ZNF487: variants seen among roughly 807,000 people sequenced by gnomAD.
ZNF487 encodes KRAB domain only 1.
In ZNF487, 4 loss-of-function variants were observed where a neutral mutation model predicts 3.0. The observed-to-expected ratio is 1.35, with a 90% CI of 0.66 to 3.08. The LOEUF (loss-of-function observed/expected upper bound fraction) is 3.08. Ranked by LOEUF, ZNF487 falls within the 30% of genes most tolerant of loss-of-function variation. The pLI, the probability that ZNF487 is intolerant of heterozygous loss-of-function variation, is 0.01. For missense variants in ZNF487, 146 were observed against 98.7 expected (o/e 1.48, Z -2.03); for synonymous variants, 55 against 34.6 (o/e 1.59, Z -2.06).
At chr10:43,457,011 C>T (rs547491636) in intron 1 of ZNF487, among the ~76,000 whole-genome samples, 1 of 152,290 alleles carries the variant, frequency 6.6e-6, no homozygotes, top group South Asian at 2.1e-4. Flanking sequence ...GGTGCTTCCA[C>T]CATGCTTACT....
At chr10:43,462,945 T>A (rs930768918) in intron 1 of ZNF487, among the ~76,000 whole-genome samples, 15 of 151,898 alleles carry the variant, frequency 9.9e-5, no homozygotes, top group African/African-American at 1.4e-4. Context: ...AATTAAAAAA[T>A]TTTTTTTGGC....
At chr10:43,437,100 C>T (rs186650883), upstream of ZNF487, 1,814 of 302,722 alleles carry the variant, frequency 6.0e-3, 21 homozygotes, top group East Asian at 0.029. Context: ...CGCCCCTCGG[C>T]GGCCCCGCCC....
At chr10:43,464,342 C>T (rs6421744) in intron 1 of ZNF487, among the ~76,000 whole-genome samples, 99,711 of 151,514 alleles carry the variant, frequency 0.66, 34,358 homozygotes, top group Non-Finnish European at 0.76. Flanking sequence ...GCCACCATGC[C>T]CGGCTAATTG....
At chr10:43,516,042 A>C in the ZNF487 span, among the ~76,000 whole-genome samples, 1 of 152,074 alleles carries the variant, frequency 6.6e-6, no homozygotes, top group Non-Finnish European at 1.5e-5. Flanking sequence ...GGCCTCTCAA[A>C]GTGCTGGGAT....
In ZNF487 at chr10:43,475,862, A is replaced by G. The variant is rs757891554; in HGVS notation, c.34+15A>G. 1.2e-5 allele frequency: 9 copies of G among 752,842 alleles called. No homozygotes were observed. In the Admixed American group the frequency reaches 1.7e-4, roughly 15 times the overall value. The allele number at this position is 752,842 out of a possible 1,614,324, so 46.6% of individuals were successfully genotyped here. A position where few individuals can be genotyped will look rare whatever the true frequency, so the allele number is the denominator to read the frequency against. On this transcript the variant is annotated intron_variant, in intron 2 of 3. Transcript: ENST00000437590. Reference sequence around the variant, plus strand: ...CCTCTCAGTGGGTAAGGATTATGTAATTTGCAGCTTCAAATAACATTTATT... The same window carrying G: ...CCTCTCAGTGGGTAAGGATTATGTAGTTTGCAGCTTCAAATAACATTTATT...
chr10:43,448,175 G>C (rs1393806952), intron 1 of ZNF487, among the ~76,000 whole-genome samples: 2 of 151,514 alleles, frequency 1.3e-5, no homozygotes, highest in Non-Finnish European at 2.9e-5. Flanking sequence ...ATTTTTTGTA[G>C]AGACGGGGTT....
intron 1 of ZNF487, chr10:43,453,166 G>C (rs1053883132): frequency 6.6e-6 from 1 of 152,088 alleles, no homozygotes; most frequent in African/African-American, 2.4e-5. Flanking sequence ...GAGACTGGGA[G>C]ACAGAGGCCT....
intron 1 of ZNF487, among the ~76,000 whole-genome samples, chr10:43,472,045 T>A (rs1228211359): frequency 6.6e-6 from 1 of 152,200 alleles, no homozygotes; most frequent in Non-Finnish European, 1.5e-5. Flanking sequence ...ACTGGGGACC[T>A]GCCCCTATTT....
chr10:43,440,873 T>G (rs528447022), intron 1 of ZNF487, among the ~76,000 whole-genome samples: 6 of 151,866 alleles, frequency 4.0e-5, no homozygotes, highest in African/African-American at 1.4e-4. Context: ...GGACTTTTTT[T>G]TTGTTGTTTG....
chr10:43,455,612 C>T (rs975992397), intron 1 of ZNF487, among the ~76,000 whole-genome samples: 1 of 152,164 alleles, frequency 6.6e-6, no homozygotes, highest in Non-Finnish European at 1.5e-5. Context: ...GGGAAACGGC[C>T]CCTCTAGGTC....
At chr10:43,492,956 C>T in the ZNF487 span, among the ~76,000 whole-genome samples, 2 of 152,072 alleles carry the variant, frequency 1.3e-5, no homozygotes, top group African/African-American at 4.8e-5. Context: ...TCAGGCCAGG[C>T]GTGGTGGCTC....
At chr10:43,449,976 G>T (rs1193569044) in intron 1 of ZNF487, among the ~76,000 whole-genome samples, 1 of 152,052 alleles carries the variant, frequency 6.6e-6, no homozygotes, top group Non-Finnish European at 1.5e-5. Context: ...ACCATGCCAG[G>T]CCTGAATGTT....
intron 1 of ZNF487, among the ~76,000 whole-genome samples, chr10:43,455,207 T>C (rs570862300): frequency 6.6e-6 from 1 of 152,066 alleles, no homozygotes; most frequent in South Asian, 2.1e-4. Context: ...GAGACGGGGT[T>C]TCACCGTGTT....
At chr10:43,456,397 C>T (rs1173053730) in intron 1 of ZNF487, among the ~76,000 whole-genome samples, 1 of 152,092 alleles carries the variant, frequency 6.6e-6, no homozygotes, top group Non-Finnish European at 1.5e-5. Context: ...CACGGAGAGG[C>T]AATATGTAAT....
chr10:43,499,104 G>A, the ZNF487 span, among the ~76,000 whole-genome samples: 3 of 152,166 alleles, frequency 2.0e-5, no homozygotes, highest in Non-Finnish European at 4.4e-5. Flanking sequence ...CCGAAGACAC[G>A]TTAAGAAATA....
chr10:43,489,458 A>G, the ZNF487 span, among the ~76,000 whole-genome samples: 1 of 152,092 alleles, frequency 6.6e-6, no homozygotes. Context: ...GGTTCAAGCA[A>G]TTCTCATGTC....
At chr10:43,489,083 G>C in the ZNF487 span, among the ~76,000 whole-genome samples, 1 of 152,078 alleles carries the variant, frequency 6.6e-6, no homozygotes, top group Non-Finnish European at 1.5e-5. Context: ...CCAGGCAACA[G>C]AGACAGACCC....
the ZNF487 span, among the ~76,000 whole-genome samples, chr10:43,515,633 C>T: frequency 2.6e-5 from 4 of 152,174 alleles, no homozygotes; most frequent in Non-Finnish European, 4.4e-5. Context: ...TGTTGCATGT[C>T]AGCCACTCTC....
the ZNF487 span, among the ~76,000 whole-genome samples, chr10:43,495,724 G>A: frequency 6.6e-6 from 1 of 152,118 alleles, no homozygotes; most frequent in Non-Finnish European, 1.5e-5. Context: ...TTAACCCTTT[G>A]AGAGCAGTGT....
Sources: gnomAD v4.1 joint callset for allele counts (sites outside exome capture counted in the v4.1 genomes callset) on GRCh38, gnomAD v4.1.1 for gene constraint, MANE v1.5 for transcripts, NCBI Gene and HGNC (gene_info 2026-07-23, HGNC 2026-07-21) for gene names.